The following BRWD3 variants were observed in gnomAD, a reference collection of about 807,000 sequenced individuals.
BRWD3 encodes the protein bromodomain and WD repeat-containing protein 3.
BRWD3 carries 10 observed loss-of-function variants against 149.7 expected under a neutral mutation model. The ratio of observed to expected loss-of-function variants is 0.07; its 90% CI spans 0.04 to 0.11. The LOEUF (loss-of-function observed/expected upper bound fraction) is 0.11. Ranked by LOEUF, BRWD3 falls within the 10% of genes least tolerant of loss-of-function variation. BRWD3 has a pLI of 1.00. For missense variants in BRWD3, 940 were observed against 1,373.2 expected (o/e 0.68, Z 4.99); for synonymous variants, 504 against 456.7 (o/e 1.10, Z -1.32).
In BRWD3 at chrX:80,710,076, C is replaced by T. The variant is rs909535006; in HGVS notation, c.2326-499G>A. ...TTGGTTGCATTGAAAAGGGCACCAT[C>T]GGAGCTTGCAGCTCATCAGAAAAAA... On this transcript the variant is annotated intron_variant, in intron 20 of 40. Coordinates refer to ENST00000373275, the MANE Select transcript of BRWD3 (RefSeq NM_153252.5). 3.0e-5 allele frequency: 27 copies of T among 890,661 alleles called. No homozygotes were observed. In the East Asian group the frequency reaches 5.0e-4, roughly 17 times the overall value. The allele number at this position is 890,661 out of a possible 1,213,427, so 73.4% of individuals were successfully genotyped here.
intron 6 of BRWD3, among the ~76,000 whole-genome samples, chrX:80,762,584 G>A (rs929975115): frequency 9.0e-6 from 1 of 110,718 alleles, no homozygotes; most frequent in African/African-American, 3.3e-5. Context: ...GGGGAAAGGA[G>A]AGGGATAAAG....
chrX:80,732,979 A>G (rs758444398), intron 12 of BRWD3, among the ~76,000 whole-genome samples: 3 of 110,241 alleles, frequency 2.7e-5, no homozygotes, highest in Non-Finnish European at 5.7e-5. Context: ...AAATACAAAA[A>G]CTTAGCCAGG....
chrX:80,808,904 G>T, intron 3 of BRWD3, 109 bp downstream of exon 3: 1 of 878,179 alleles, frequency 1.1e-6, no homozygotes, highest in Non-Finnish European at 1.6e-6. Flanking sequence ...ACAGCTACGG[G>T]TACCCAGATC....
intron 22 of BRWD3, among the ~76,000 whole-genome samples, chrX:80,705,296 G>A (rs916248986): frequency 9.2e-6 from 1 of 109,099 alleles, no homozygotes; most frequent in Non-Finnish European, 1.9e-5. Flanking sequence ...ATAGAATTTC[G>A]ACCATTATCT....
At chrX:80,802,441 T>C (rs1233186378) in intron 4 of BRWD3, among the ~76,000 whole-genome samples, 1 of 58,858 alleles carries the variant, frequency 1.7e-5, no homozygotes, top group Non-Finnish European at 3.0e-5. Context: ...GACTCTCATC[T>C]TAAAAAAAAA....
intron 8 of BRWD3, among the ~76,000 whole-genome samples, chrX:80,740,107 T>A (rs1343881310): frequency 1.8e-5 from 2 of 111,837 alleles, no homozygotes; most frequent in African/African-American, 6.5e-5. Flanking sequence ...CATGAATTTT[T>A]TTCAAATTCA....
rs921992851 is a variant in BRWD3 at position 80,670,329 on chromosome X, G to A, written c.*6280C>T. Among the ~76,000 whole-genome samples, 1 of 111,305 alleles carries A rather than the reference G, an allele frequency of 9.0e-6. No individual in the cohort carries two copies. Among genetic ancestry groups the A allele is most frequent in the Admixed American group, 9.6e-5 (1 of 10,426 alleles). On this transcript the variant is annotated 3_prime_UTR_variant, in exon 41 of 41. Coordinates refer to ENST00000373275, the MANE Select transcript of BRWD3 (RefSeq NM_153252.5). ...ATCTCATTCAAAAGATCAACTCACA[G>A]GCTCAATATATTGGTTTTATTTTGC... is the stretch of plus-strand genomic sequence containing the variant.
intron 6 of BRWD3, among the ~76,000 whole-genome samples, chrX:80,783,431 G>C (rs1201379459): frequency 9.2e-6 from 1 of 108,777 alleles, no homozygotes; most frequent in African/African-American, 3.4e-5. Context: ...ATAAATGCTG[G>C]TGAGGTTTTG....
At chrX:80,788,884 T>A (rs1343688959) in intron 6 of BRWD3, among the ~76,000 whole-genome samples, 5 of 112,071 alleles carry the variant, frequency 4.5e-5, no homozygotes, top group African/African-American at 1.3e-4. Flanking sequence ...GATGACATTT[T>A]AAATAACATG....
At chrX:80,704,084 G>T (rs1421459166) in intron 23 of BRWD3, among the ~76,000 whole-genome samples, 1 of 111,271 alleles carries the variant, frequency 9.0e-6, no homozygotes, top group Non-Finnish European at 1.9e-5. Flanking sequence ...ATAAAGGTAA[G>T]CCAGGCACAG....
rs113241590 is a variant in BRWD3, at chrX:80,692,334, C to T, written c.3264-184G>A. ...TTCTAATAGAGAAAACATGGTCCAT[C>T]GCTATGAAACTTAGAGGGCAGAAAG... On this transcript the variant is annotated intron_variant, in intron 28 of 40. Coordinates refer to ENST00000373275, the MANE Select transcript of BRWD3 (RefSeq NM_153252.5). 0.02 allele frequency among the ~76,000 whole-genome samples: 2,182 copies of T among 111,691 alleles called. 55 individuals are homozygous for T. Among genetic ancestry groups the T allele is most frequent in the African/African-American group, 0.067 (2,047 of 30,747 alleles).
chrX:80,713,041 C>T (rs772051921), intron 20 of BRWD3, among the ~76,000 whole-genome samples: 1 of 109,290 alleles, frequency 9.1e-6, no homozygotes, highest in Non-Finnish European at 1.9e-5. Flanking sequence ...CCCCGCCCGG[C>T]CAGCTGCCCC....
chrX:80,769,242 C>T (rs1008374672), intron 6 of BRWD3, among the ~76,000 whole-genome samples: 5 of 111,457 alleles, frequency 4.5e-5, no homozygotes. Flanking sequence ...ACAAGCAGAC[C>T]TAATAGACAT....
intron 13 of BRWD3, among the ~76,000 whole-genome samples, chrX:80,729,126 C>CA (rs1251448238): frequency 9.0e-6 from 1 of 111,206 alleles, no homozygotes; most frequent in Admixed American, 9.6e-5. Flanking sequence ...CCTAAAATGA[C>CA]AAAAATTTGG....
At chrX:80,797,948 A>T (rs1353491513) in intron 4 of BRWD3, among the ~76,000 whole-genome samples, 1 of 109,525 alleles carries the variant, frequency 9.1e-6, no homozygotes, top group Non-Finnish European at 1.9e-5. Context: ...ACAAAAAATT[A>T]GCTGGGTCTG....
At chrX:80,685,557 T>C (rs996847660) in intron 35 of BRWD3, 21 bp from the exon 36 acceptor site, 14 of 1,141,940 alleles carry the variant, frequency 1.2e-5, no homozygotes, top group Non-Finnish European at 1.7e-5. Context: ...GAAGAACATA[T>C]ACTGGTTTCC....
chrX:80,769,334 A>G (rs2073906144), intron 6 of BRWD3, among the ~76,000 whole-genome samples: 1 of 111,910 alleles, frequency 8.9e-6, no homozygotes, highest in Non-Finnish European at 1.9e-5. Context: ...TTGACCACAT[A>G]GTTGGAAGTA....
In BRWD3 at chrX:80,685,657, T is replaced by C. The variant is rs760804903; in HGVS notation, c.4006-121A>G. ...CACTGGAATCATGTTTTATCGGCTG[T>C]ACTTTAAGGTGAAGGAATTGTACAT... On this transcript the variant is annotated intron_variant, in intron 35 of 40. Coordinates refer to ENST00000373275, the MANE Select transcript of BRWD3 (RefSeq NM_153252.5). The C allele has an allele frequency of 9.2e-6, 5 of 545,818 alleles. No homozygotes were observed. In the East Asian group the frequency reaches 1.9e-4, roughly 20 times the overall value. 45.0% of individuals were successfully genotyped at this position (545,818 alleles called of 1,213,427 possible).
intron 14 of BRWD3, among the ~76,000 whole-genome samples, chrX:80,728,128 G>A (rs2073276471): frequency 9.0e-6 from 1 of 111,394 alleles, no homozygotes; most frequent in Admixed American, 9.5e-5. Flanking sequence ...CAACCATTTG[G>A]CATTCTCTCC....
Sources: gnomAD v4.1 joint callset for allele counts (sites outside exome capture counted in the v4.1 genomes callset) on GRCh38, gnomAD v4.1.1 for gene constraint, MANE v1.5 for transcripts, NCBI Gene and HGNC (gene_info 2026-07-23, HGNC 2026-07-21) for gene names.